Variants in SUGCT observed in about 807,000 individuals in gnomAD.
The protein encoded by SUGCT is succinyl-CoA:glutarate CoA-transferase.
A neutral mutation model predicts 55.0 loss-of-function variants in SUGCT; 41 were observed. The observed-to-expected ratio is 0.74, with a 90% confidence interval of 0.58 to 0.97. The LOEUF (loss-of-function observed/expected upper bound fraction) is 0.97, where lower values mean the gene tolerates loss of function less well. Ranked by LOEUF, SUGCT falls within the 50% of genes least tolerant of loss-of-function variation. SUGCT has a pLI of 0.00. For synonymous variants in SUGCT, 187 were observed against 200.4 expected (o/e 0.93, Z 0.56); for missense variants, 568 against 547.8 (o/e 1.04, Z -0.37).
intron 1 of SUGCT, among the ~76,000 whole-genome samples, chr7:40,151,228 G>T (rs1198422877): frequency 6.6e-6 from 1 of 152,164 alleles, no homozygotes; most frequent in Non-Finnish European, 1.5e-5. Context: ...GACAGAGTGA[G>T]ACTCCGTCTC....
At chr7:40,720,982 G>A (rs1374851322) in intron 12 of SUGCT, among the ~76,000 whole-genome samples, 1 of 152,162 alleles carries the variant, frequency 6.6e-6, no homozygotes, top group East Asian at 1.9e-4. Flanking sequence ...AGCACATAAG[G>A]TTAATTTTTT....
At chr7:40,891,708 C>T in the SUGCT span, among the ~76,000 whole-genome samples, 1 of 152,062 alleles carries the variant, frequency 6.6e-6, no homozygotes, top group African/African-American at 2.4e-5. Flanking sequence ...AAGCTGAAAA[C>T]ATATGAAAAT....
chr7:40,155,198 T>C (rs1783825181), intron 1 of SUGCT, among the ~76,000 whole-genome samples: 1 of 151,034 alleles, frequency 6.6e-6, no homozygotes, highest in African/African-American at 2.4e-5. Context: ...GACAGGAGAA[T>C]CACTTGAACC....
intron 8 of SUGCT, among the ~76,000 whole-genome samples, chr7:40,312,844 G>A (rs1795235195): frequency 6.6e-6 from 1 of 152,078 alleles, no homozygotes; most frequent in Non-Finnish European, 1.5e-5. Context: ...AAGGGAAGTG[G>A]GGGAAAATGA....
chr7:40,906,361 A>G, the SUGCT span, among the ~76,000 whole-genome samples: 1 of 152,158 alleles, frequency 6.6e-6, no homozygotes, highest in African/African-American at 2.4e-5. Flanking sequence ...CATTGGCCAA[A>G]GGACTAATAG....
chr7:40,251,331 G>T (rs1253622402), intron 7 of SUGCT, among the ~76,000 whole-genome samples: 1 of 152,062 alleles, frequency 6.6e-6, no homozygotes, highest in Non-Finnish European at 1.5e-5. Flanking sequence ...GTGCTGTCAG[G>T]TACTTTTACT....
chr7:40,778,494 C>T (rs1426322243), intron 13 of SUGCT, among the ~76,000 whole-genome samples: 1 of 152,174 alleles, frequency 6.6e-6, no homozygotes, highest in East Asian at 1.9e-4. Flanking sequence ...ATTTCAGAAG[C>T]ACTCATTTTT....
intron 13 of SUGCT, among the ~76,000 whole-genome samples, chr7:40,749,864 G>A (rs536666697): frequency 7.3e-4 from 111 of 152,282 alleles, no homozygotes; most frequent in Non-Finnish European, 1.2e-3. Flanking sequence ...TGGAAAGAAA[G>A]CCAGGCAAGA....
intron 13 of SUGCT, among the ~76,000 whole-genome samples, chr7:40,791,820 A>G (rs1345208895): frequency 2.6e-5 from 4 of 152,170 alleles, no homozygotes; most frequent in Non-Finnish European, 5.9e-5. Context: ...GCTCTTATAA[A>G]CATGTTACTT....
At chr7:40,737,747 GA>G (rs897022407) in intron 12 of SUGCT, among the ~76,000 whole-genome samples, 13 of 151,826 alleles carry the variant, frequency 8.6e-5, no homozygotes, top group Admixed American at 7.9e-4. Flanking sequence ...ACTTCTGGAG[GA>G]AAAAAAATTT....
At chr7:40,155,522 C>G (rs1783846016) in intron 1 of SUGCT, among the ~76,000 whole-genome samples, 2 of 151,926 alleles carry the variant, frequency 1.3e-5, no homozygotes, top group Admixed American at 6.6e-5. Flanking sequence ...TGAAGGAGGC[C>G]CAACATTAGA....
chr7:40,338,555 G>A (rs2151169489), intron 9 of SUGCT, among the ~76,000 whole-genome samples: 1 of 152,260 alleles, frequency 6.6e-6, no homozygotes, highest in East Asian at 1.9e-4. Context: ...GCTGAAGCTT[G>A]TGCATTCATC....
At chr7:40,255,543 C>A (rs189045266) in intron 7 of SUGCT, among the ~76,000 whole-genome samples, 1 of 151,080 alleles carries the variant, frequency 6.6e-6, no homozygotes, top group Non-Finnish European at 1.5e-5. Context: ...TGCCTGTAAT[C>A]CCAGCTATTC....
chr7:40,772,551 T>TATC (rs1293079059), intron 13 of SUGCT, among the ~76,000 whole-genome samples: 25 of 148,634 alleles, frequency 1.7e-4, no homozygotes, highest in African/African-American at 4.0e-4. Context: ...TCTATCTATC[T>TATC]ATCTATCTAT....
At chr7:40,567,918 G>A (rs1001622249) in intron 12 of SUGCT, among the ~76,000 whole-genome samples, 1 of 152,132 alleles carries the variant, frequency 6.6e-6, no homozygotes, top group Non-Finnish European at 1.5e-5. Flanking sequence ...CTCTTATGAT[G>A]GCATACAAAG....
At chr7:40,153,809 G>T in intron 1 of SUGCT, 1 of 394,420 alleles carries the variant, frequency 2.5e-6, no homozygotes, top group Admixed American at 2.8e-5. Context: ...GCTGTTCAAT[G>T]GGATAAATGC....
chr7:40,668,950 A>G (rs1380110135), intron 12 of SUGCT, among the ~76,000 whole-genome samples: 1 of 152,190 alleles, frequency 6.6e-6, no homozygotes, highest in Non-Finnish European at 1.5e-5. Flanking sequence ...CAGGGTGTTC[A>G]GAGAAGGCCA....
chr7:40,824,981 A>C (rs999796985), intron 13 of SUGCT, among the ~76,000 whole-genome samples: 50 of 152,200 alleles, frequency 3.3e-4, no homozygotes, highest in African/African-American at 1.2e-3. Flanking sequence ...AGTCATGGAA[A>C]AAAGGGGACT....
the SUGCT span, among the ~76,000 whole-genome samples, chr7:40,907,199 T>A: frequency 6.6e-6 from 1 of 151,404 alleles, no homozygotes; most frequent in Non-Finnish European, 1.5e-5. Flanking sequence ...TGCCTCAGAA[T>A]CATGAACTTC....
Sources: allele counts gnomAD v4.1 joint callset (sites outside exome capture counted in the v4.1 genomes callset), GRCh38; gene constraint gnomAD v4.1.1; transcripts MANE v1.5; gene names NCBI Gene and HGNC (gene_info 2026-07-23, HGNC 2026-07-21).